Variants in MTARC2 observed in about 807,000 individuals in gnomAD.
MTARC2 encodes MOCO sulphurase C-terminal domain containing 2.
Under a neutral mutation model 35.6 loss-of-function variants are expected in MTARC2, and 27 were observed. The ratio of observed to expected loss-of-function variants is 0.76; its 90% CI spans 0.56 to 1.04. The LOEUF (loss-of-function observed/expected upper bound fraction) is 1.04. Among genes scored for constraint, MTARC2 ranks in the 50% least tolerant of loss-of-function variants. MTARC2 has a pLI of 0.00. For synonymous variants in MTARC2, 158 were observed against 167.1 expected (o/e 0.95, Z 0.42); for missense variants, 412 against 432.5 (o/e 0.95, Z 0.42).
chr1:220,758,262 C>A (rs1227422221), intron 2 of MTARC2, among the ~76,000 whole-genome samples: 1 of 152,156 alleles, frequency 6.6e-6, no homozygotes, highest in Non-Finnish European at 1.5e-5. Flanking sequence ...GGATTACAGG[C>A]ATGAGCCACC....
Position 220,781,168 on chromosome 1 carries a change from T to C in MTARC2, c.885-610T>C, listed in dbSNP as rs1672061488. ...TGGGTTTAGCTTAGAAAAGAGGTTATTTCATGATGACTTCAGATTTACAAT... is the reference window on the plus strand; with the variant it reads ...TGGGTTTAGCTTAGAAAAGAGGTTACTTCATGATGACTTCAGATTTACAAT... On this transcript the variant is annotated intron_variant, in intron 6 of 7. Coordinates refer to ENST00000366913, the MANE Select transcript of MTARC2 (RefSeq NM_017898.5). 2.0e-5 allele frequency among the ~76,000 whole-genome samples: 3 copies of C among 152,198 alleles called. 1 individual carries two copies. The South Asian group carries it at 6.2e-4, about 32-fold the overall frequency.
At chr1:220,753,811 G>A (rs1671199982) in intron 1 of MTARC2, among the ~76,000 whole-genome samples, 1 of 152,142 alleles carries the variant, frequency 6.6e-6, no homozygotes, top group Admixed American at 6.5e-5. Context: ...AGTACTTTGG[G>A]AGGCTGAGGC....
chr1:220,748,458 AGG>A lies in MTARC2; in HGVS notation c.-72_-71del. On this transcript the variant is annotated 5_prime_UTR_variant, in exon 1 of 8. Coordinates refer to ENST00000366913, the MANE Select transcript of MTARC2 (RefSeq NM_017898.5). ...CTCCTCTCGCCTGCCCGGATCCTTA[AGG>A]GCCTCCTCGTCCTCCCGGTCTCCGG... is the stretch of plus-strand genomic sequence containing the variant. 7.6e-7 allele frequency: 1 copy of A among 1,319,414 alleles called. No individual in the cohort carries two copies. The highest frequency in any genetic ancestry group is 9.6e-7 in the Non-Finnish European group (1 of 1,038,248). 81.7% of individuals were successfully genotyped at this position (1,319,414 alleles called of 1,614,324 possible).
chr1:220,749,443 T>A (rs1229012922), intron 1 of MTARC2, among the ~76,000 whole-genome samples: 1 of 150,924 alleles, frequency 6.6e-6, no homozygotes, highest in African/African-American at 2.4e-5. Context: ...TTTTTTTTTT[T>A]TTTTTGAGAC....
Position 220,769,260 on chromosome 1 carries a change from C to T in MTARC2, c.750+6210C>T, listed in dbSNP as rs192242119. Among the ~76,000 whole-genome samples, 396 of 152,362 alleles carry T rather than the reference C, an allele frequency of 2.6e-3. 2 individuals are homozygous for T. Among genetic ancestry groups the T allele is most frequent in the African/African-American group, 9.3e-3 (385 of 41,582 alleles). Reference sequence around the variant, plus strand: ...AGGAGGAGATGCTTCTGCGAGGTTCCTTCCGCACAGCCTCACACAGCTTTC... The same window carrying T: ...AGGAGGAGATGCTTCTGCGAGGTTCTTTCCGCACAGCCTCACACAGCTTTC... On this transcript the variant is annotated intron_variant, in intron 4 of 7. Transcript: ENST00000366913.
At chr1:220,750,778 A>G (rs185882879) in intron 1 of MTARC2, among the ~76,000 whole-genome samples, 1 of 152,328 alleles carries the variant, frequency 6.6e-6, no homozygotes, top group East Asian at 1.9e-4. Flanking sequence ...AGAATGAAGG[A>G]GTATCCCATC....
At chr1:220,781,178 A>C (rs12030249) in intron 6 of MTARC2, among the ~76,000 whole-genome samples, 2,471 of 152,196 alleles carry the variant, frequency 0.016, 43 homozygotes, top group East Asian at 0.056. Flanking sequence ...TTTCATGATG[A>C]CTTCAGATTT....
rs1481166873 is a variant in MTARC2 at position 220,748,542 on chromosome 1, C to G, written c.11C>G (p.Ser4Cys). MGA[S>C]SSSALARLGL... ...CGCCCTCGCTCTGCCATGGGCGCTT[C>G]CAGCTCCTCCGCGCTGGCCCGCCTC... The change falls in exon 1 of 8, where the codon TCC (serine) becomes TGC (cysteine). Residue 4 changes from serine (S) to cysteine (C), a missense_variant. Transcript: ENST00000366913. 1.4e-6 allele frequency: 2 copies of G among 1,424,958 alleles called. No homozygotes were observed. Among genetic ancestry groups the G allele is most frequent in the African/African-American group, 3.0e-5 (2 of 66,488 alleles). The allele number at this position is 1,424,958 out of a possible 1,614,324, so 88.3% of individuals were successfully genotyped here.
chr1:220,761,309 C>T (rs1671429287), intron 2 of MTARC2, among the ~76,000 whole-genome samples: 1 of 152,242 alleles, frequency 6.6e-6, no homozygotes, highest in Non-Finnish European at 1.5e-5. Context: ...GGCAGCCCCT[C>T]TCCTCTTGTG....
chr1:220,748,415 T>C lies in MTARC2; in HGVS notation c.-117T>C. The C allele has an allele frequency of 9.5e-7, 1 of 1,054,050 alleles. No homozygotes were observed. Among genetic ancestry groups the C allele is most frequent in the Non-Finnish European group, 1.2e-6 (1 of 811,876 alleles). The allele number at this position is 1,054,050 out of a possible 1,614,324, so 65.3% of individuals were successfully genotyped here. ...GGCGGTGAAAGTGTGAGAGGGTCCGTAGTTGGGTCAACTTTGACTCCTCTC... is the reference window on the plus strand; with the variant it reads ...GGCGGTGAAAGTGTGAGAGGGTCCGCAGTTGGGTCAACTTTGACTCCTCTC... On this transcript the variant is annotated 5_prime_UTR_variant, in exon 1 of 8. Coordinates refer to ENST00000366913, the MANE Select transcript of MTARC2 (RefSeq NM_017898.5).
chr1:220,770,617 G>A (rs985335926), intron 4 of MTARC2: 1 of 949,186 alleles, frequency 1.1e-6, no homozygotes, highest in Non-Finnish European at 1.3e-6. Flanking sequence ...CTGTTCTCTG[G>A]AGGGCTGTGA....
At chr1:220,756,833 G>C (rs913744820) in intron 2 of MTARC2, among the ~76,000 whole-genome samples, 2 of 152,238 alleles carry the variant, frequency 1.3e-5, no homozygotes, top group Admixed American at 1.3e-4. Context: ...GATGGAAAGA[G>C]GGAAAGAGGA....
rs567159821 is a variant in MTARC2 at position 220,773,529 on chromosome 1, G to A, written c.751-6489G>A. On this transcript the variant is annotated intron_variant, in intron 4 of 7. Transcript: ENST00000366913. The stretch of plus-strand genomic sequence containing the variant: ...TGTGGGTACCCTCAATTTATAGCCA[G>A]TTGGTGAGAAGCATGGGTGGCCTGG... Among the ~76,000 whole-genome samples, 124 of 152,288 alleles carry A rather than the reference G, an allele frequency of 8.1e-4. 1 individual carries two copies. The highest frequency in any genetic ancestry group is 2.8e-3 in the African/African-American group (117 of 41,554).
At position 220,754,964 on chromosome 1, in the gene MTARC2, AG is replaced by A; in HGVS notation, c.292del (p.Glu98LysfsTer26). ...CTCTGCAGGTTTTGGCTGGTGATTAAGGAAGATGGACACATGGTCACTGCCC... is the reference window on the plus strand; with the variant it reads ...CTCTGCAGGTTTTGGCTGGTGATTAAGAAGATGGACACATGGTCACTGCCC... ...NLRDRFWLVI[K>X]EDGHMVTARQ... On this transcript the variant is annotated frameshift_variant, in exon 2 of 8. Coordinates refer to ENST00000366913, the MANE Select transcript of MTARC2 (RefSeq NM_017898.5). LOFTEE classifies it high-confidence loss of function. The A allele has an allele frequency of 6.3e-7, 1 of 1,592,892 alleles. No homozygotes were observed. The highest frequency in any genetic ancestry group is 8.5e-7 in the Non-Finnish European group (1 of 1,170,140).
At chr1:220,762,870 G>A (rs1671475491) in intron 3 of MTARC2, 40 bp from the exon 4 acceptor site, 1 of 1,611,106 alleles carries the variant, frequency 6.2e-7, no homozygotes, top group African/African-American at 1.3e-5. Flanking sequence ...AGGCCATTTT[G>A]TGGAGTGGTG....
chr1:220,783,967 C>A lies in MTARC2; in HGVS notation c.*80C>A. Reference sequence around the variant, plus strand: ...ACTGAGATCTTAACAACAGCAGCAACGATACATCAGCAAATCCTTATTATC... The same window carrying A: ...ACTGAGATCTTAACAACAGCAGCAAAGATACATCAGCAAATCCTTATTATC... On this transcript the variant is annotated 3_prime_UTR_variant, in exon 8 of 8. Transcript: ENST00000366913. 1.4e-6 allele frequency: 1 copy of A among 717,332 alleles called. No homozygotes were observed. The highest frequency in any genetic ancestry group is 1.5e-5 in the South Asian group (1 of 67,584). The allele number at this position is 717,332 out of a possible 1,614,324, so 44.4% of individuals were successfully genotyped here. A position where few individuals can be genotyped will look rare whatever the true frequency, so the allele number is the denominator to read the frequency against.
intron 1 of MTARC2, chr1:220,754,452 G>A (rs895305235): frequency 2.0e-5 from 9 of 456,188 alleles, no homozygotes; most frequent in Non-Finnish European, 4.0e-5. Context: ...ACAGAGCAGA[G>A]GCTGGCCTGG....
chr1:220,783,026 C>T (rs924259230), intron 7 of MTARC2, among the ~76,000 whole-genome samples: 1 of 152,168 alleles, frequency 6.6e-6, no homozygotes, highest in African/African-American at 2.4e-5. Context: ...AAAGATGACA[C>T]AGGCTTTGCC....
At chr1:220,758,142 G>A (rs980216295) in intron 2 of MTARC2, among the ~76,000 whole-genome samples, 12 of 148,392 alleles carry the variant, frequency 8.1e-5, no homozygotes, top group African/African-American at 1.7e-4. Flanking sequence ...ACGCCACCAC[G>A]CCCAGCTAAT....
Sources: gnomAD v4.1 joint callset for allele counts (sites outside exome capture counted in the v4.1 genomes callset) on GRCh38, gnomAD v4.1.1 for gene constraint, MANE v1.5 for transcripts, NCBI Gene and HGNC (gene_info 2026-07-23, HGNC 2026-07-21) for gene names.